The following EZH2 variants were observed in gnomAD, a reference collection of about 807,000 sequenced individuals.
The protein encoded by EZH2 is histone-lysine N-methyltransferase EZH2.
Under a neutral mutation model 98.4 loss-of-function variants are expected in EZH2, and 18 were observed. The ratio of observed to expected loss-of-function variants is 0.18; its 90% CI spans 0.13 to 0.27. The LOEUF is 0.27. Among genes scored for constraint, EZH2 ranks in the 10% least tolerant of loss-of-function variants. The probability of loss-of-function intolerance (pLI) is 1.00; values close to 1 mark genes in which losing one functional copy is unlikely to be tolerated. For synonymous variants in EZH2, 338 were observed against 312.3 expected, an observed-to-expected ratio of 1.08 and a Z score of -0.87; for missense variants, 470 against 935.1, an observed-to-expected ratio of 0.50 and a Z score of 6.49.
intron 3 of EZH2, among the ~76,000 whole-genome samples, chr7:148,836,186 G>A (rs1053323007): frequency 5.3e-5 from 8 of 152,092 alleles, no homozygotes; most frequent in Non-Finnish European, 1.0e-4. Context: ...AAATGTTTCT[G>A]GAATGAACAG....
intron 8 of EZH2, among the ~76,000 whole-genome samples, chr7:148,820,817 T>C (rs532921644): frequency 3.3e-5 from 5 of 152,192 alleles, no homozygotes; most frequent in East Asian, 3.9e-4. Flanking sequence ...ATGAAATATA[T>C]AGAGAACAAG....
intron 5 of EZH2, 113 bp downstream of exon 5, chr7:148,829,615 T>G: frequency 8.4e-7 from 1 of 1,195,482 alleles, no homozygotes; most frequent in Non-Finnish European, 1.2e-6. Flanking sequence ...TATAGTTCAG[T>G]GCAAAACTTA....
intron 8 of EZH2, among the ~76,000 whole-genome samples, chr7:148,824,439 T>C (rs1021923461): frequency 5.3e-5 from 8 of 152,214 alleles, no homozygotes; most frequent in Non-Finnish European, 8.8e-5. Flanking sequence ...TTTTACTGTA[T>C]ATTTTCTATG....
chr7:148,814,077 C>T lies in EZH2; in HGVS notation c.1733G>A (p.Cys578Tyr), dbSNP rs2129469826. ...KAQCNTKQCP[C>Y]YLAVRECDPD... is the part of the protein sequence containing the mutation. The stretch of plus-strand genomic sequence containing the variant: ...GTCACACTCTCGGACAGCCAGGTAG[C>T]ACGGGCACTGCTTGGTGTTGCACTG... The change falls in exon 15 of 20, where the codon TGC (cysteine) becomes TAC (tyrosine). Residue 578 changes from cysteine to tyrosine, a missense_variant. Around this residue, in one of 6 missense-constraint regions of EZH2, gnomAD observed 106 missense variants for 327.2 expected, o/e 0.32. Transcript: ENST00000320356. 6.2e-7 allele frequency: 1 copy of T among 1,614,200 alleles called. No homozygotes were observed. The highest frequency in any genetic ancestry group is 8.5e-7 in the Non-Finnish European group (1 of 1,180,040).
intron 1 of EZH2, among the ~76,000 whole-genome samples, chr7:148,874,314 G>A (rs1287307341): frequency 6.6e-6 from 1 of 152,194 alleles, no homozygotes; most frequent in African/African-American, 2.4e-5. Context: ...TTTCAGCCCA[G>A]GAGGTGGAGG....
At chr7:148,839,098 A>AAGGAAGGAAGGG (rs1811723346) in intron 3 of EZH2, among the ~76,000 whole-genome samples, 1 of 148,680 alleles carries the variant, frequency 6.7e-6, no homozygotes, top group Non-Finnish European at 1.5e-5. Flanking sequence ...GGAAGGAAGG[A>AAGGAAGGAAGGG]AGGAAGGAAA....
chr7:148,836,287 C>T (rs959064466), intron 3 of EZH2, among the ~76,000 whole-genome samples: 46 of 152,204 alleles, frequency 3.0e-4, no homozygotes, highest in Non-Finnish European at 2.1e-4. Flanking sequence ...TCTACCCCCA[C>T]CTCACTGTAT....
chr7:148,826,798 T>C (rs1033912082), intron 7 of EZH2, among the ~76,000 whole-genome samples, 166 bp from the exon 8 acceptor site: 2 of 152,240 alleles, frequency 1.3e-5, no homozygotes, highest in Non-Finnish European at 2.9e-5. Context: ...TGCATGGTGT[T>C]ATCAAGAATC....
intron 1 of EZH2, among the ~76,000 whole-genome samples, chr7:148,861,653 G>A (rs1247725268): frequency 6.6e-6 from 1 of 151,992 alleles, no homozygotes; most frequent in Admixed American, 6.6e-5. Context: ...TTTTTAAAAA[G>A]AAACTTATTT....
chr7:148,855,671 A>G (rs1816697778), intron 1 of EZH2, among the ~76,000 whole-genome samples: 1 of 152,108 alleles, frequency 6.6e-6, no homozygotes, highest in South Asian at 2.1e-4. Flanking sequence ...AGACCGAGGC[A>G]GGTGGATCAT....
At chr7:148,807,799 G>A in intron 19 of EZH2, 93 bp from the exon 20 acceptor site, 1 of 546,148 alleles carries the variant, frequency 1.8e-6, no homozygotes, top group Admixed American at 3.6e-5. Context: ...GATAGTGGGT[G>A]CATTAAAATG....
chr7:148,864,715 A>T (rs1818190569), intron 1 of EZH2, among the ~76,000 whole-genome samples: 1 of 152,114 alleles, frequency 6.6e-6, no homozygotes, highest in South Asian at 2.1e-4. Flanking sequence ...AAAAGAAAAA[A>T]AAAGTTTAAG....
At chr7:148,880,078 T>C (rs1820752907) in intron 1 of EZH2, among the ~76,000 whole-genome samples, 1 of 152,254 alleles carries the variant, frequency 6.6e-6, no homozygotes. Flanking sequence ...TCTGTCTTGC[T>C]ATTGTTAATG....
intron 9 of EZH2, 57 bp from the exon 10 acceptor site, chr7:148,818,174 A>G: frequency 6.7e-7 from 1 of 1,498,216 alleles, no homozygotes; most frequent in Non-Finnish European, 8.9e-7. Context: ...TTTTGATGGA[A>G]GAGAAAAAAA....
chr7:148,843,653 T>C (rs1024196347), intron 3 of EZH2, among the ~76,000 whole-genome samples: 2 of 123,938 alleles, frequency 1.6e-5, no homozygotes, highest in South Asian at 5.5e-4. Flanking sequence ...TGGAGTGCAG[T>C]GGCGCGATCT....
intron 3 of EZH2, among the ~76,000 whole-genome samples, chr7:148,838,076 T>G (rs1210955060): frequency 6.7e-6 from 1 of 148,682 alleles, no homozygotes; most frequent in Non-Finnish European, 1.5e-5. Flanking sequence ...TTTTTTTTTT[T>G]TTTTTTTTTG....
chr7:148,858,798 A>G (rs956398604), intron 1 of EZH2, among the ~76,000 whole-genome samples: 4 of 152,090 alleles, frequency 2.6e-5, no homozygotes, highest in African/African-American at 9.7e-5. Flanking sequence ...TTTAAAAGGA[A>G]AAAAAAAGAT....
chr7:148,833,446 A>G (rs1220795400), intron 3 of EZH2, among the ~76,000 whole-genome samples: 2 of 142,876 alleles, frequency 1.4e-5, no homozygotes, highest in Admixed American at 7.3e-5. Flanking sequence ...GACAGAGCGA[A>G]ACTCCGTCTC....
Position 148,807,501 on chromosome 7 carries a change from A to AAACTC in EZH2, c.*140_*144dup, listed in dbSNP as rs987910653. On this transcript the variant is annotated 3_prime_UTR_variant, in exon 20 of 20. Transcript: ENST00000320356. ...AGAAGGCAATAAAAAGTTGATTTTT[A>AAACTC]AACTCATTACTATAAATTATTCTTA... The AAACTC allele has an allele frequency of 2.6e-4, 178 of 683,424 alleles. 1 individual carries two copies. In the Admixed American group the frequency reaches 4.6e-3, roughly 17 times the overall value. The allele number at this position is 683,424 out of a possible 1,614,324, so 42.3% of individuals were successfully genotyped here.
Sources: gnomAD v4.1 joint callset for allele counts (sites outside exome capture counted in the v4.1 genomes callset) on GRCh38, gnomAD v4.1.1 for gene constraint, gnomAD v4.1.1 regional missense constraint, MANE v1.5 for transcripts, NCBI Gene and HGNC (gene_info 2026-07-23, HGNC 2026-07-21) for gene names.